DGKH: variants seen among roughly 807,000 people sequenced by gnomAD.
DGKH encodes DAG kinase eta.
DGKH carries 90 observed loss-of-function variants against 159.3 expected under a neutral mutation model. The ratio of observed to expected loss-of-function variants is 0.57; its 90% CI spans 0.48 to 0.67. DGKH has a LOEUF of 0.67. Ranked by LOEUF, DGKH falls within the 30% of genes least tolerant of loss-of-function variation. DGKH has a pLI of 0.00. For synonymous variants in DGKH, 536 were observed against 553.8 expected (o/e 0.97, Z 0.45); for missense variants, 1,181 against 1,506.1 (o/e 0.78, Z 3.57).
intron 1 of DGKH, among the ~76,000 whole-genome samples, chr13:42,116,633 C>T (rs1213119447): frequency 6.6e-6 from 1 of 152,194 alleles, no homozygotes; most frequent in African/African-American, 2.4e-5. Context: ...TTACAAAAGG[C>T]TCATCGAAGG....
chr13:42,220,986 A>G (rs921516509), intron 28 of DGKH, among the ~76,000 whole-genome samples: 4 of 152,206 alleles, frequency 2.6e-5, no homozygotes, highest in Admixed American at 2.0e-4. Context: ...TTTTGTATGC[A>G]TATTGTGTAG....
At chr13:42,182,442 G>A (rs1328153455) in intron 13 of DGKH, among the ~76,000 whole-genome samples, 2 of 149,514 alleles carry the variant, frequency 1.3e-5, no homozygotes, top group African/African-American at 5.1e-5. Context: ...GACCCCCTTG[G>A]ATACCAATAT....
chr13:42,051,438 TC>T (rs1260054860), intron 1 of DGKH, among the ~76,000 whole-genome samples: 1 of 152,140 alleles, frequency 6.6e-6, no homozygotes, highest in African/African-American at 2.4e-5. Flanking sequence ...ATATACTGAT[TC>T]TTGGGGAAGA....
At position 42,161,199 on chromosome 13, in the gene DGKH, C is replaced by G. The variant is rs1956171596; in HGVS notation, c.855+1063C>G. ...TTTTTTATTTTAAAGGAATTCTACC[C>G]ATAAACAAGATTTTAAATCATCATT... On this transcript the variant is annotated intron_variant, in intron 7 of 29. Coordinates refer to ENST00000337343, the MANE Select transcript of DGKH (RefSeq NM_178009.5). 3.3e-5 allele frequency among the ~76,000 whole-genome samples: 5 copies of G among 152,122 alleles called. No homozygotes were observed. The South Asian group carries it at 1.0e-3, about 32-fold the overall frequency.
rs181704033 is a variant in DGKH, at chr13:42,249,337, G to A, written n.4055-3072G>A. Among the ~76,000 whole-genome samples, 44 of 152,260 alleles carry A rather than the reference G, an allele frequency of 2.9e-4. No individual in the cohort carries two copies. In the East Asian group the frequency reaches 7.5e-3, roughly 26 times the overall value. ...GAGCCTGGGAGGATGGAGTGAGCCCGGCCCTCTTGGTTGCAGTGAGCCAAG... is the reference window on the plus strand; with the variant it reads ...GAGCCTGGGAGGATGGAGTGAGCCCAGCCCTCTTGGTTGCAGTGAGCCAAG... On this transcript the variant is annotated intron_variant and non_coding_transcript_variant, in intron 29 of 30. Transcript: ENST00000498255.
In DGKH at chr13:42,241,746, A is replaced by G. The variant is rs184054266; in HGVS notation, c.*12558A>G. 3 of 152,352 alleles carry G rather than the reference A, an allele frequency of 2.0e-5. No homozygotes were observed. The allele number at this position is 152,352 out of a possible 1,614,324, so 9.4% of individuals were successfully genotyped here. On this transcript the variant is annotated 3_prime_UTR_variant, in exon 30 of 30. Coordinates refer to ENST00000337343, the MANE Select transcript of DGKH (RefSeq NM_178009.5). ...TATTTTGAATGAGGAGTAGGCGGTA[A>G]TATTTAACAGGTAGCATACGTATCT...
In DGKH at chr13:42,160,106, G is replaced by A. The variant is rs374871339; in HGVS notation, c.825G>A (p.Gln275=). The change falls in exon 7 of 30, where the codon CAG becomes CAA. Residue 275 remains glutamine (Q), a synonymous_variant. Coordinates refer to ENST00000337343, the MANE Select transcript of DGKH (RefSeq NM_178009.5). ...DKTCGSVLRL[Q]DWKCLWCKTM... ...CATGTGGCAGTGTTCTCCGTCTACAGGATTGGAAATGCCTTTGGTGTAAGA... is the reference window on the plus strand; with the variant it reads ...CATGTGGCAGTGTTCTCCGTCTACAAGATTGGAAATGCCTTTGGTGTAAGA... 4.3e-6 allele frequency: 7 copies of A among 1,614,230 alleles called. No homozygotes were observed. The African/African-American group carries it at 9.3e-5, about 22-fold the overall frequency.
At chr13:42,186,401 A>G (rs560598188) in intron 13 of DGKH, among the ~76,000 whole-genome samples, 2 of 152,330 alleles carry the variant, frequency 1.3e-5, no homozygotes, top group Admixed American at 6.5e-5. Context: ...GCTTATTTCT[A>G]TCGCAAAGAA....
chr13:42,154,290 G>A (rs907889084), intron 3 of DGKH, among the ~76,000 whole-genome samples: 7 of 152,152 alleles, frequency 4.6e-5, no homozygotes, highest in Non-Finnish European at 8.8e-5. Flanking sequence ...TAGTTTCCAG[G>A]TAGGAATGCA....
At chr13:42,085,137 A>G (rs1021839991) in intron 1 of DGKH, among the ~76,000 whole-genome samples, 1 of 152,160 alleles carries the variant, frequency 6.6e-6, no homozygotes, top group African/African-American at 2.4e-5. Context: ...AAAACAGCTG[A>G]GACATGCTAG....
rs532046174 is a variant in DGKH, at chr13:42,072,939, C to T, written c.192+23974C>T. Among the ~76,000 whole-genome samples the T allele has an allele frequency of 3.9e-5, 6 of 152,178 alleles. No individual in the cohort carries two copies. In the South Asian group the frequency reaches 1.2e-3, roughly 32 times the overall value. ...TCACCACCGAATACACTAGATAGTA[C>T]CATTTTCTCTAAATCCATCTTCTAA... On this transcript the variant is annotated intron_variant, in intron 1 of 29. Transcript: ENST00000337343.
In DGKH at chr13:42,048,803, T is replaced by C; in HGVS notation, c.30T>C (p.Pro10=). 1 of 1,319,932 alleles carries C rather than the reference T, an allele frequency of 7.6e-7. No individual in the cohort carries two copies. Among genetic ancestry groups the C allele is most frequent in the Non-Finnish European group, 9.7e-7 (1 of 1,030,844 alleles). The allele number at this position is 1,319,932 out of a possible 1,614,324, so 81.8% of individuals were successfully genotyped here. Residue 10 remains proline, a synonymous_variant, in exon 1 of 30, where the codon CCT becomes CCC. Coordinates refer to ENST00000337343, the MANE Select transcript of DGKH (RefSeq NM_178009.5). This position sits in a 1 kb window ranked among gnomAD's most constrained non-coding sequence, Gnocchi z 6.7. MAGAGGQHH[P]PGAAGGAAAG... is the part of the protein sequence containing the mutation. ...CAGGGGCCGGAGGCCAGCACCACCC[T>C]CCGGGCGCCGCTGGAGGAGCGGCCG...
intron 26 of DGKH, among the ~76,000 whole-genome samples, chr13:42,217,322 C>T (rs1366012933): frequency 2.0e-5 from 3 of 152,184 alleles, no homozygotes; most frequent in African/African-American, 7.2e-5. Context: ...TCACTGCAAC[C>T]TCAGCCTCTC....
chr13:42,133,177 A>G (rs1594070649), intron 3 of DGKH, among the ~76,000 whole-genome samples: 1 of 151,404 alleles, frequency 6.6e-6, no homozygotes, highest in Admixed American at 6.6e-5. Context: ...TCTCAAAAAA[A>G]AAAAAAATTT....
In DGKH at chr13:42,096,146, C is replaced by T. The variant is rs75745876; in HGVS notation, c.193-31317C>T. On this transcript the variant is annotated intron_variant, in intron 1 of 29. Coordinates refer to ENST00000337343, the MANE Select transcript of DGKH (RefSeq NM_178009.5). ...GGGGTCCATGTGCAGGTTTGTTACCCGGGTATATTGTGGGATGCTGAGGTT... is the reference window on the plus strand; with the variant it reads ...GGGGTCCATGTGCAGGTTTGTTACCTGGGTATATTGTGGGATGCTGAGGTT... 4.1e-3 allele frequency among the ~76,000 whole-genome samples: 621 copies of T among 151,882 alleles called. 3 individuals carry two copies. The highest frequency in any genetic ancestry group is 0.014 in the African/African-American group (594 of 41,390).
intron 13 of DGKH, among the ~76,000 whole-genome samples, chr13:42,183,770 A>G (rs1207597230): frequency 1.3e-5 from 2 of 152,250 alleles, no homozygotes; most frequent in African/African-American, 4.8e-5. Context: ...TAGCAATCAT[A>G]GATACCATTT....
chr13:42,224,936 T>C (rs1958083314), intron 29 of DGKH, among the ~76,000 whole-genome samples: 1 of 152,000 alleles, frequency 6.6e-6, no homozygotes, highest in Non-Finnish European at 1.5e-5. Flanking sequence ...TTGTTGTTGT[T>C]GTTGAGATAG....
At chr13:42,148,020 G>A (rs1387761357) in intron 3 of DGKH, among the ~76,000 whole-genome samples, 1 of 152,240 alleles carries the variant, frequency 6.6e-6, no homozygotes, top group African/African-American at 2.4e-5. Context: ...GTTCTTAAGG[G>A]GAGAAAAAGT....
At chr13:42,199,737 G>A (rs970851526) in intron 19 of DGKH, 61 bp downstream of exon 19, 78 of 1,557,104 alleles carry the variant, frequency 5.0e-5, no homozygotes, top group Non-Finnish European at 6.7e-5. Flanking sequence ...CATTTATTAT[G>A]TCTTTTTGCT....
Sources: gnomAD v4.1 joint callset for allele counts (sites outside exome capture counted in the v4.1 genomes callset) on GRCh38, gnomAD v4.1.1 for gene constraint, Gnocchi (gnomAD v3.1) non-coding constraint, MANE v1.5 for transcripts, NCBI Gene and HGNC (gene_info 2026-07-23, HGNC 2026-07-21) for gene names.